GPR158: variants seen among roughly 807,000 people sequenced by gnomAD.
The protein encoded by GPR158 is G protein-coupled receptor 158, also known as metabotropic glycine receptor.
GPR158 carries 30 observed loss-of-function variants against 78.2 expected under a neutral mutation model. The observed-to-expected ratio is 0.38, with a 90% CI of 0.29 to 0.52. The LOEUF is 0.52. GPR158 is among the 20% of genes least tolerant of loss of function. The pLI is 0.83. For missense variants in GPR158, 1,463 were observed against 1,523.5 expected (o/e 0.96, Z 0.66); for synonymous variants, 581 against 591.1 (o/e 0.98, Z 0.25).
chr10:25,420,194 G>A (rs1211808714), intron 4 of GPR158, among the ~76,000 whole-genome samples: 4 of 152,018 alleles, frequency 2.6e-5, no homozygotes, highest in Admixed American at 2.6e-4. Flanking sequence ...CAGTTACTCA[G>A]GCTATAATGC....
In GPR158 at chr10:25,416,049, A is replaced by C. The variant is rs188033259; in HGVS notation, c.1335+3576A>C. On this transcript the variant is annotated intron_variant, in intron 4 of 10. Transcript: ENST00000376351. ...ATTACAAATTTTTAAAGGAGTTTAC[A>C]TATTATTAATACTTACCTTCTGGGA... Among the ~76,000 whole-genome samples the C allele has an allele frequency of 4.8e-3, 726 of 152,284 alleles. 10 individuals carry two copies. The highest frequency in any genetic ancestry group is 0.017 in the African/African-American group (687 of 41,576).
At chr10:25,307,377 CTTTT>C (rs561085223) in intron 2 of GPR158, among the ~76,000 whole-genome samples, 1 of 114,394 alleles carries the variant, frequency 8.7e-6, no homozygotes, top group African/African-American at 3.4e-5. Context: ...ATTTTAATTG[CTTTT>C]TTTTTTTTTT....
chr10:25,243,443 G>A lies in GPR158; in HGVS notation c.1008+22286G>A, dbSNP rs961126196. On this transcript the variant is annotated intron_variant, in intron 2 of 10. Transcript: ENST00000376351. Reference sequence around the variant, plus strand: ...CCATCACAAGTGGATCTTTTTGGAAGGCCTTTCCCACAATGCTATCCTTCA... The same window carrying A: ...CCATCACAAGTGGATCTTTTTGGAAAGCCTTTCCCACAATGCTATCCTTCA... Among the ~76,000 whole-genome samples, 3 of 152,214 alleles carry A rather than the reference G, an allele frequency of 2.0e-5. No homozygotes were observed. The East Asian group carries it at 5.8e-4, about 29-fold the overall frequency.
rs149676143 is a variant in GPR158, at chr10:25,349,755, A to G, written c.1009-46156A>G. ...GGTAGTTCTTAAGAGCAGTATGACA[A>G]TGGATTAATTCACCATGTAAGGGAA... On this transcript the variant is annotated intron_variant, in intron 2 of 10. Coordinates refer to ENST00000376351, the MANE Select transcript of GPR158 (RefSeq NM_020752.3). 7.5e-5 allele frequency among the ~76,000 whole-genome samples: 11 copies of G among 146,538 alleles called. 2 individuals carry two copies. The highest frequency in any genetic ancestry group is 3.0e-4 in the African/African-American group (11 of 36,438).
At chr10:25,490,218 A>T (rs1184558859) in intron 5 of GPR158, among the ~76,000 whole-genome samples, 1 of 152,064 alleles carries the variant, frequency 6.6e-6, no homozygotes, top group Non-Finnish European at 1.5e-5. Flanking sequence ...TTGTGTTTGT[A>T]TGCAGAGACA....
At chr10:25,266,169 C>T (rs1854042677) in intron 2 of GPR158, among the ~76,000 whole-genome samples, 1 of 152,172 alleles carries the variant, frequency 6.6e-6, no homozygotes, top group Non-Finnish European at 1.5e-5. Context: ...CTTGCTCTGA[C>T]CTTAAGTTTC....
At chr10:25,284,908 T>C (rs1854327103) in intron 2 of GPR158, among the ~76,000 whole-genome samples, 3 of 152,128 alleles carry the variant, frequency 2.0e-5, no homozygotes, top group Admixed American at 2.0e-4. Flanking sequence ...TTACTTCTTA[T>C]TCTTTTTGCT....
At chr10:25,517,855 T>A (rs1157913982) in intron 5 of GPR158, among the ~76,000 whole-genome samples, 1 of 146,636 alleles carries the variant, frequency 6.8e-6, no homozygotes, top group Admixed American at 6.8e-5. Flanking sequence ...TGTCTCTGCC[T>A]GGCTTTGGTA....
chr10:25,402,524 G>T (rs1834461656), intron 3 of GPR158, among the ~76,000 whole-genome samples: 1 of 152,044 alleles, frequency 6.6e-6, no homozygotes, highest in South Asian at 2.1e-4. Flanking sequence ...CATAGGACAT[G>T]CTAGCTGAAG....
Position 25,270,691 on chromosome 10 carries a change from T to C in GPR158, c.1008+49534T>C, listed in dbSNP as rs117987410. Among the ~76,000 whole-genome samples the C allele has an allele frequency of 1.9e-3, 286 of 152,304 alleles. 8 individuals are homozygous for C. In the East Asian group the frequency reaches 0.048, roughly 26 times the overall value. On this transcript the variant is annotated intron_variant, in intron 2 of 10. Coordinates refer to ENST00000376351, the MANE Select transcript of GPR158 (RefSeq NM_020752.3). ...GGCCAGATATCTACAAGTCTTCTTT[T>C]ACATCTCCTTCTTCCTCATCACCTT... is the stretch of plus-strand genomic sequence containing the variant.
At chr10:25,275,773 A>G (rs1011045885) in intron 2 of GPR158, among the ~76,000 whole-genome samples, 5 of 152,156 alleles carry the variant, frequency 3.3e-5, no homozygotes, top group African/African-American at 4.8e-5. Context: ...ATTTTGCCCA[A>G]TTCTGTCATT....
intron 5 of GPR158, among the ~76,000 whole-genome samples, chr10:25,521,437 T>C (rs1342144150): frequency 6.6e-6 from 1 of 152,312 alleles, no homozygotes; most frequent in Non-Finnish European, 1.5e-5. Context: ...CTTCCTAACT[T>C]GCATCATATT....
chr10:25,484,193 A>G (rs936279499), intron 5 of GPR158, among the ~76,000 whole-genome samples: 1 of 152,116 alleles, frequency 6.6e-6, no homozygotes, highest in African/African-American at 2.4e-5. Flanking sequence ...TTCCTTGAAC[A>G]TGCCTGGCAC....
chr10:25,473,498 T>A lies in GPR158; in HGVS notation c.1404+6779T>A, dbSNP rs553891243. 3.1e-3 allele frequency among the ~76,000 whole-genome samples: 471 copies of A among 152,336 alleles called. 3 individuals are homozygous for A. The highest frequency in any genetic ancestry group is 5.0e-3 in the Non-Finnish European group (339 of 68,030). On this transcript the variant is annotated intron_variant, in intron 5 of 10. Transcript: ENST00000376351. ...ATGAGTTAGGGAGGATTCCCTCTTTTTCTGTTGATTGGAATAGTGTCAGAA... is the reference window on the plus strand; with the variant it reads ...ATGAGTTAGGGAGGATTCCCTCTTTATCTGTTGATTGGAATAGTGTCAGAA...
chr10:25,494,504 G>T (rs1835852768), intron 5 of GPR158, among the ~76,000 whole-genome samples: 1 of 152,056 alleles, frequency 6.6e-6, no homozygotes, highest in African/African-American at 2.4e-5. Flanking sequence ...ATAAAAATTG[G>T]ATTGCTACTG....
At chr10:25,593,519 C>G (rs1268837247) in intron 8 of GPR158, among the ~76,000 whole-genome samples, 1 of 151,910 alleles carries the variant, frequency 6.6e-6, no homozygotes, top group African/African-American at 2.4e-5. Flanking sequence ...ATGAAAGCAA[C>G]CCCTGGTTTC....
In GPR158 at chr10:25,203,899, T is replaced by G. The variant is rs574193935; in HGVS notation, c.903-17153T>G. Among the ~76,000 whole-genome samples the G allele has an allele frequency of 1.4e-5, 2 of 144,802 alleles. 1 individual carries two copies. Among genetic ancestry groups the G allele is most frequent in the African/African-American group, 5.3e-5 (2 of 37,810 alleles). The allele number at this position is 144,802 out of a possible 152,430, so 95.0% of individuals were successfully genotyped here. ...ATTCTTCCTATCCATGAGCATGGAA[T>G]GTTCTTCCATTTGTTTGTATCCTCT... On this transcript the variant is annotated intron_variant, in intron 1 of 10. Transcript: ENST00000376351.
At chr10:25,286,098 T>C (rs1027380269) in intron 2 of GPR158, among the ~76,000 whole-genome samples, 8 of 152,212 alleles carry the variant, frequency 5.3e-5, no homozygotes, top group African/African-American at 1.9e-4. Context: ...GAATATGATA[T>C]GCCTATATGT....
intron 2 of GPR158, among the ~76,000 whole-genome samples, chr10:25,238,023 T>C (rs1363138531): frequency 6.6e-6 from 1 of 152,150 alleles, no homozygotes; most frequent in Non-Finnish European, 1.5e-5. Flanking sequence ...CTCTGCTCTC[T>C]TCCTTTTTTA....
Sources: allele counts gnomAD v4.1 joint callset (sites outside exome capture counted in the v4.1 genomes callset), GRCh38; gene constraint gnomAD v4.1.1; transcripts MANE v1.5; gene names NCBI Gene and HGNC (gene_info 2026-07-23, HGNC 2026-07-21).